The following INTS1 variants were observed in gnomAD, a reference collection of about 807,000 sequenced individuals.
INTS1 encodes integrator complex subunit 1.
Under a neutral mutation model 241.6 loss-of-function variants are expected in INTS1, and 137 were observed. The ratio of observed to expected loss-of-function variants is 0.57; its 90% CI spans 0.49 to 0.65. The LOEUF is 0.65. INTS1 is among the 30% of genes least tolerant of loss of function. The pLI is 0.00. For synonymous variants in INTS1, 1,692 were observed against 1,337.8 expected (o/e 1.26, Z -5.78); for missense variants, 3,073 against 3,032.2 (o/e 1.01, Z -0.32).
intron 16 of INTS1, among the ~76,000 whole-genome samples, chr7:1,490,205 A>T (rs1297196547): frequency 6.6e-6 from 1 of 152,260 alleles, no homozygotes; most frequent in Non-Finnish European, 1.5e-5. Context: ...GAGAACCTCA[A>T]CCACAGCATC....
rs771513466 is a variant in INTS1, at chr7:1,481,822, C to T, written c.3704-334G>A. ...GGTGACCCCACCCGAGACCTGGGGC[C>T]GCACAAGGGGGCAGCGTGTCGGGAC... On this transcript the variant is annotated intron_variant, in intron 27 of 47. Transcript: ENST00000404767. The surrounding 1 kb of genome is among the most constrained non-coding windows in gnomAD (Gnocchi z 6.8). 5.9e-4 allele frequency among the ~76,000 whole-genome samples: 89 copies of T among 151,874 alleles called. No homozygotes were observed. The highest frequency in any genetic ancestry group is 1.1e-3 in the Non-Finnish European group (75 of 67,928).
chr7:1,474,477 C>T (rs1027719699), intron 40 of INTS1, 117 bp from the exon 41 acceptor site: 1 of 1,125,030 alleles, frequency 8.9e-7, no homozygotes, highest in Non-Finnish European at 1.2e-6. Context: ...CCCCAACCAC[C>T]CTCCTGCCCT....
chr7:1,481,012 G>T lies in INTS1; in HGVS notation c.3851-79C>A. ...TCCTTCCCTCTCCACAGAAACCAGA[G>T]TTGGAGATGCCCCCACCGTCACCAG... On this transcript the variant is annotated intron_variant, in intron 28 of 47. Transcript: ENST00000404767. This position sits in a 1 kb window ranked among gnomAD's most constrained non-coding sequence, Gnocchi z 6.8. The T allele has an allele frequency of 9.5e-7, 1 of 1,051,034 alleles. No homozygotes were observed. The highest frequency in any genetic ancestry group is 1.4e-6 in the Non-Finnish European group (1 of 693,060). The allele number at this position is 1,051,034 out of a possible 1,614,324, so 65.1% of individuals were successfully genotyped here. A position where few individuals can be genotyped will look rare whatever the true frequency, so the allele number is the denominator to read the frequency against.
intron 26 of INTS1, 43 bp from the exon 27 acceptor site, chr7:1,482,750 G>A (rs780605492): frequency 6.3e-7 from 1 of 1,599,200 alleles, no homozygotes; most frequent in South Asian, 1.1e-5. Flanking sequence ...GACCCACCGG[G>A]GCCCAGCCCC....
At chr7:1,495,672 G>A in intron 12 of INTS1, 119 bp from the exon 13 acceptor site, 1 of 1,278,266 alleles carries the variant, frequency 7.8e-7, no homozygotes, top group Non-Finnish European at 1.1e-6. Context: ...GGCACCCCCA[G>A]CTTCTGGACG....
Position 1,476,463 on chromosome 7 carries a change from GGGTGCCTGCATCAGCCCC to G in INTS1, c.5152-26_5152-9del. 6.6e-7 allele frequency: 1 copy of G among 1,518,338 alleles called. No homozygotes were observed. The highest frequency in any genetic ancestry group is 1.5e-5 in the African/African-American group (1 of 65,874). 94.1% of individuals were successfully genotyped at this position (1,518,338 alleles called of 1,614,324 possible). On this transcript the variant is annotated splice_polypyrimidine_tract_variant and intron_variant, in intron 37 of 47. Transcript: ENST00000404767. ...CAGCTCCTCCCGCCGCTTCTGTAAC[GGGTGCCTGCATCAGCCCC>G]GGAGCACCACCGCCTCTCCCGGATG... is the stretch of plus-strand genomic sequence containing the variant.
In INTS1 at chr7:1,503,970, T is replaced by TC; in HGVS notation, c.-11dup. On this transcript the variant is annotated 5_prime_UTR_variant, in exon 2 of 48. Transcript: ENST00000404767. ...GCTTGGCCCGGTTCATCCTGCCCCG[T>TC]CCCTCGCGGCTCCCGGCGGCTGCGG... 6.5e-7 allele frequency: 1 copy of TC among 1,547,566 alleles called. No homozygotes were observed.
chr7:1,486,803 G>A (rs984112186), intron 21 of INTS1, 29 bp from the exon 22 acceptor site: 1 of 1,609,458 alleles, frequency 6.2e-7, no homozygotes, highest in Non-Finnish European at 8.5e-7. Context: ...TCTCAGGGGT[G>A]CAGGTGACAG....
At chr7:1,494,673 G>A (rs923348155) in intron 14 of INTS1, 143 bp downstream of exon 14, 1 of 785,624 alleles carries the variant, frequency 1.3e-6, no homozygotes, top group Non-Finnish European at 2.1e-6. Flanking sequence ...TGGCACCCAG[G>A]ATTGTGGAGG....
chr7:1,492,364 C>A (rs1431863069), intron 16 of INTS1, among the ~76,000 whole-genome samples: 2 of 152,090 alleles, frequency 1.3e-5, no homozygotes, highest in East Asian at 3.9e-4. Flanking sequence ...TGTAGGATGC[C>A]ATTTACAGAA....
rs184532373 is a variant in INTS1, at chr7:1,493,925, G to C, written c.1911-14C>G. 7.7e-6 allele frequency: 12 copies of C among 1,552,354 alleles called. No homozygotes were observed. In the East Asian group the frequency reaches 2.7e-4, roughly 35 times the overall value. On this transcript the variant is annotated splice_polypyrimidine_tract_variant and intron_variant, in intron 14 of 47. Transcript: ENST00000404767. The surrounding 1 kb of genome is among the most constrained non-coding windows in gnomAD (Gnocchi z 5.3). ...CGCAGGAAGAAGCTGCGGGGTGGGG[G>C]AGGCATGACTCGGTGTGGGCTGCCC...
rs1161108717 is a variant in INTS1, at chr7:1,473,791, C to G, written c.5830-98G>C. 6.8e-6 allele frequency: 10 copies of G among 1,461,646 alleles called. No individual in the cohort carries two copies. In the East Asian group the frequency reaches 2.4e-4, roughly 34 times the overall value. The allele number at this position is 1,461,646 out of a possible 1,614,324, so 90.5% of individuals were successfully genotyped here. On this transcript the variant is annotated intron_variant, in intron 41 of 47. Transcript: ENST00000404767. ...CTCCCAGAGCCTCAGGGCATGGACCCCACAGCCAACGAGCCCCCTCTGCCA... is the reference window on the plus strand; with the variant it reads ...CTCCCAGAGCCTCAGGGCATGGACCGCACAGCCAACGAGCCCCCTCTGCCA...
At chr7:1,492,246 G>A (rs1016942546) in intron 16 of INTS1, among the ~76,000 whole-genome samples, 5 of 152,182 alleles carry the variant, frequency 3.3e-5, no homozygotes, top group Non-Finnish European at 7.3e-5. Context: ...TCCACACAGT[G>A]GGGTGCCCTC....
chr7:1,499,760 G>A (rs577373870), intron 5 of INTS1, 124 bp downstream of exon 5: 117 of 1,462,742 alleles, frequency 8.0e-5, no homozygotes, highest in South Asian at 4.0e-4. Context: ...AGCAGGGACC[G>A]TGCCATCACC....
chr7:1,500,265 C>T lies in INTS1; in HGVS notation c.451G>A (p.Val151Ile). The T allele has an allele frequency of 6.2e-7, 1 of 1,603,126 alleles. No homozygotes were observed. Among genetic ancestry groups the T allele is most frequent in the Non-Finnish European group, 8.5e-7 (1 of 1,174,780 alleles). Residue 151 changes from valine (V) to isoleucine (I), a missense_variant, in exon 4 of 48, where the codon GTC becomes ATC. Physicochemically the swap from Val to Ile is conservative, Grantham distance 29. Transcript: ENST00000404767. ...VLCGAVKQLK[V>I]TRAKPDSTLY... ...GTGCTGTCAGGCTTGGCGCGGGTGA[C>T]CTTCAGCTGCTTCACGGCCCCGCAC...
chr7:1,488,867 C>T (rs915111689), intron 18 of INTS1, among the ~76,000 whole-genome samples: 4 of 152,216 alleles, frequency 2.6e-5, no homozygotes, highest in South Asian at 2.1e-4. Context: ...ACTCTCGTCC[C>T]ACCTGCACTG....
At position 1,499,122 on chromosome 7, in the gene INTS1, C is replaced by T; in HGVS notation, c.990G>A (p.Leu330=). The change falls in exon 8 of 48, where the codon CTG becomes CTA. Residue 330 remains leucine, a synonymous_variant. Coordinates refer to ENST00000404767, the MANE Select transcript of INTS1 (RefSeq NM_001080453.3). ...ELAESVEEYV[L]DMLRDQLNRR... is the part of the protein sequence containing the mutation. Reference sequence around the variant, plus strand: ...GGTTCAGCTGGTCCCGCAGCATGTCCAGGACATACTCCTCCACGCTCTCCG... The same window carrying T: ...GGTTCAGCTGGTCCCGCAGCATGTCTAGGACATACTCCTCCACGCTCTCCG... 6.2e-7 allele frequency: 1 copy of T among 1,611,712 alleles called. No homozygotes were observed.
At chr7:1,487,237 C>T in intron 20 of INTS1, 83 bp downstream of exon 20, 1 of 1,521,954 alleles carries the variant, frequency 6.6e-7, no homozygotes, top group Non-Finnish European at 8.9e-7. Context: ...GTGTGTCCTG[C>T]CCTCTTCTGG....
chr7:1,488,148 C>A (rs1782368686), intron 18 of INTS1, among the ~76,000 whole-genome samples, 191 bp from the exon 19 acceptor site: 1 of 152,202 alleles, frequency 6.6e-6, no homozygotes. Context: ...CGCAGCGCTG[C>A]CCAGAGGCGC....
Sources: gnomAD v4.1 joint callset for allele counts (sites outside exome capture counted in the v4.1 genomes callset) on GRCh38, gnomAD v4.1.1 for gene constraint, Gnocchi (gnomAD v3.1) non-coding constraint, MANE v1.5 for transcripts, NCBI Gene and HGNC (gene_info 2026-07-23, HGNC 2026-07-21) for gene names.